The following ZNF469 variants were observed in gnomAD, a reference collection of about 807,000 sequenced individuals.
The protein encoded by ZNF469 is zinc finger protein 469.
Under a neutral mutation model 1.0 loss-of-function variants are expected in ZNF469, and 1 was observed. The observed-to-expected ratio is 1.00, with a 90% CI of 0.35 to 4.73. ZNF469 has a LOEUF of 4.73. Ranked by LOEUF, ZNF469 falls within the 30% of genes most tolerant of loss-of-function variation. The pLI, the probability that ZNF469 is intolerant of heterozygous loss-of-function variation, is 0.16. For synonymous variants in ZNF469, 2,703 were observed against 2,363.4 expected (o/e 1.14, Z -4.17); for missense variants, 6,100 against 5,356.3 (o/e 1.14, Z -4.33).
the ZNF469 span, among the ~76,000 whole-genome samples, chr16:88,212,412 C>T: frequency 1.1e-3 from 160 of 152,210 alleles, 5 homozygotes; most frequent in South Asian, 0.032. Context: ...TTTACATCAT[C>T]TCATTTTCAT....
At chr16:88,169,967 A>G in the ZNF469 span, among the ~76,000 whole-genome samples, 1 of 152,074 alleles carries the variant, frequency 6.6e-6, no homozygotes, top group African/African-American at 2.4e-5. The surrounding 1 kb of genome is among the most constrained non-coding windows in gnomAD (Gnocchi z 6.1). Flanking sequence ...CGTGCCTTAC[A>G]TGGACTTCAG....
At chr16:88,326,799 G>A in the ZNF469 span, among the ~76,000 whole-genome samples, 4 of 152,170 alleles carry the variant, frequency 2.6e-5, no homozygotes, top group African/African-American at 7.2e-5. Context: ...GGCAGCACTC[G>A]GGCCGGTCCT....
At chr16:88,388,122 G>T (rs554465935) in intron 1 of ZNF469, among the ~76,000 whole-genome samples, 4 of 152,264 alleles carry the variant, frequency 2.6e-5, no homozygotes, top group Non-Finnish European at 4.4e-5. Flanking sequence ...GAGCAGGCGC[G>T]AGGGTGTGGA....
chr16:88,319,299 G>A, the ZNF469 span, among the ~76,000 whole-genome samples: 3 of 152,114 alleles, frequency 2.0e-5, no homozygotes, highest in Admixed American at 6.5e-5. Context: ...CACCAGTGTC[G>A]CCTAAACAAA....
chr16:88,192,786 A>ATG, the ZNF469 span, among the ~76,000 whole-genome samples: 2,232 of 150,136 alleles, frequency 0.015, no homozygotes, highest in South Asian at 0.02. Flanking sequence ...TGGTGGTGAT[A>ATG]GTGGTGATGA....
chr16:88,336,719 G>A, the ZNF469 span, among the ~76,000 whole-genome samples: 2 of 152,222 alleles, frequency 1.3e-5, no homozygotes, highest in East Asian at 1.9e-4. Context: ...ACACTGACAC[G>A]CCAATACCAC....
the ZNF469 span, chr16:88,191,799 A>G: frequency 6.6e-6 from 1 of 152,204 alleles, no homozygotes; most frequent in Non-Finnish European, 1.5e-5. Context: ...CAGAGGTGAA[A>G]TGTTCGGTGG....
the ZNF469 span, among the ~76,000 whole-genome samples, chr16:88,118,701 G>T: frequency 6.6e-6 from 1 of 152,192 alleles, no homozygotes; most frequent in Non-Finnish European, 1.5e-5. Context: ...TCAAAGGACT[G>T]CTTTTAAAAG....
the ZNF469 span, among the ~76,000 whole-genome samples, chr16:88,361,411 A>G: frequency 9.4e-3 from 1,439 of 152,340 alleles, 26 homozygotes; most frequent in African/African-American, 0.032. Flanking sequence ...TAGAGCAGGT[A>G]AAACTAACCT....
At chr16:88,244,994 C>G in the ZNF469 span, among the ~76,000 whole-genome samples, 1 of 151,914 alleles carries the variant, frequency 6.6e-6, no homozygotes, top group Non-Finnish European at 1.5e-5. Flanking sequence ...GAAGACCCAT[C>G]GGAAGACTAG....
intron 1 of ZNF469, among the ~76,000 whole-genome samples, chr16:88,385,673 G>A (rs2092535435): frequency 6.6e-6 from 1 of 151,196 alleles, no homozygotes; most frequent in East Asian, 1.9e-4. Context: ...CTGTTACCCT[G>A]CCTGCCTCCT....
chr16:88,147,955 G>T, the ZNF469 span, among the ~76,000 whole-genome samples: 1 of 151,828 alleles, frequency 6.6e-6, no homozygotes, highest in Non-Finnish European at 1.5e-5. Context: ...GTACACCAGC[G>T]GTCACCTGTC....
intron 1 of ZNF469, among the ~76,000 whole-genome samples, chr16:88,421,963 ATGGG>A (rs1327695878): frequency 6.6e-6 from 1 of 151,672 alleles, no homozygotes; most frequent in East Asian, 1.9e-4. Context: ...TTGTGGATGG[ATGGG>A]TGGGTGGGTG....
the ZNF469 span, among the ~76,000 whole-genome samples, chr16:88,320,909 T>G: frequency 6.6e-6 from 1 of 152,034 alleles, no homozygotes. Flanking sequence ...ACTCTGCAAG[T>G]GGGAGGAGTT....
At chr16:88,394,195 G>A (rs72805317) in intron 1 of ZNF469, among the ~76,000 whole-genome samples, 51,293 of 105,492 alleles carry the variant, frequency 0.49, 17,301 homozygotes, top group African/African-American at 0.7. Flanking sequence ...GCGCTGCCTG[G>A]GAGGAGCGGA....
chr16:88,434,418 C>G lies in ZNF469; in HGVS notation c.6948C>G (p.His2316Gln). ...CCCAGAGCAGGGGAGCCCCGCCCCA[C>G]ACCAACCCTGACAGGATGCCCAGGG... ...PDPQSRGAPP[H>Q]TNPDRMPRGH... Residue 2316 changes from histidine (H) to glutamine (Q), a missense_variant, in exon 3 of 3, where the codon CAC becomes CAG. His to Gln is a conservative substitution (Grantham distance 24). Transcript: ENST00000565624. 1.9e-6 allele frequency: 3 copies of G among 1,549,796 alleles called. No individual in the cohort carries two copies. Among genetic ancestry groups the G allele is most frequent in the Non-Finnish European group, 2.6e-6 (3 of 1,146,952 alleles).
the ZNF469 span, among the ~76,000 whole-genome samples, chr16:88,225,233 C>T: frequency 6.6e-6 from 1 of 152,236 alleles, no homozygotes; most frequent in Admixed American, 6.5e-5. Flanking sequence ...CTCAAATATT[C>T]TAAAAATCAC....
At chr16:88,238,854 C>T in the ZNF469 span, among the ~76,000 whole-genome samples, 2 of 152,250 alleles carry the variant, frequency 1.3e-5, no homozygotes, top group Non-Finnish European at 2.9e-5. Flanking sequence ...AGTGGAATCA[C>T]TGCATACAGA....
At chr16:88,351,783 G>A in the ZNF469 span, among the ~76,000 whole-genome samples, 4 of 152,276 alleles carry the variant, frequency 2.6e-5, no homozygotes, top group African/African-American at 9.6e-5. Flanking sequence ...TTTGAGGCCG[G>A]GCCACGCTTT....
Sources: gnomAD v4.1 joint callset for allele counts (sites outside exome capture counted in the v4.1 genomes callset) on GRCh38, gnomAD v4.1.1 for gene constraint, Gnocchi (gnomAD v3.1) non-coding constraint, MANE v1.5 for transcripts, NCBI Gene and HGNC (gene_info 2026-07-23, HGNC 2026-07-21) for gene names.